OTOG: variants seen among roughly 807,000 people sequenced by gnomAD.
OTOG encodes otogelin.
A neutral mutation model predicts 313.8 loss-of-function variants in OTOG; 296 were observed. The observed-to-expected ratio is 0.94, with a 90% CI of 0.86 to 1.04. The LOEUF is 1.04. OTOG is among the 50% of genes least tolerant of loss of function. The probability of loss-of-function intolerance (pLI) is 0.00; values close to 1 mark genes in which losing one functional copy is unlikely to be tolerated. For synonymous variants in OTOG, 1,533 were observed against 1,554.9 expected (o/e 0.99, Z 0.33); for missense variants, 3,948 against 3,840.1 (o/e 1.03, Z -0.74).
At chr11:17,599,453 C>T (rs528295598) in intron 30 of OTOG, among the ~76,000 whole-genome samples, 1 of 152,352 alleles carries the variant, frequency 6.6e-6, no homozygotes, top group African/African-American at 2.4e-5. Context: ...GTGTGCCAGT[C>T]TTTGAGCCTC....
chr11:17,558,844 T>G (rs1440577218), intron 10 of OTOG, among the ~76,000 whole-genome samples, 200 bp downstream of exon 10: 1 of 152,244 alleles, frequency 6.6e-6, no homozygotes, highest in Non-Finnish European at 1.5e-5. Context: ...TAGGGTCACA[T>G]AACAAGTTAG....
Position 17,591,537 on chromosome 11 carries a change from T to A in OTOG, c.2955T>A (p.Phe985Leu), listed in dbSNP as rs1852935460. Reference protein sequence around the residue: ...TAYGDRHYRTFDGLPFDFVGA... With the variant: ...TAYGDRHYRTLDGLPFDFVGA... ...ATGGGGACCGGCATTACCGCACGTT[T>A]GATGGGCTCCCGTTTGACTTCGTGG... The change falls in exon 25 of 56, where the codon TTT (phenylalanine) becomes TTA (leucine). Residue 985 changes from phenylalanine to leucine, a missense_variant. Phe to Leu is a conservative substitution (Grantham distance 22). Transcript: ENST00000399397. 1 of 1,550,582 alleles carries A rather than the reference T, an allele frequency of 6.4e-7. No individual in the cohort carries two copies. The highest frequency in any genetic ancestry group is 1.4e-5 in the African/African-American group (1 of 73,070).
At position 17,552,055 on chromosome 11, in the gene OTOG, G is replaced by A. The variant is rs1851948529; in HGVS notation, c.272G>A (p.Arg91Gln). 6 of 1,550,374 alleles carry A rather than the reference G, an allele frequency of 3.9e-6. No homozygotes were observed. The highest frequency in any genetic ancestry group is 1.4e-5 in the African/African-American group (1 of 73,028). ...AMSSWERRLH[R>Q]AKCAPSYLFS... ...TCTTCCTGGGAAAGGCGGCTCCATC[G>A]GGCCAAGTGTGCACCATCCTGTAAG... The change falls in exon 4 of 56, where the codon CGG becomes CAG. Residue 91 changes from arginine (R) to glutamine (Q), a missense_variant. Physicochemically the swap from Arg to Gln is conservative, Grantham distance 43. Transcript: ENST00000399397.
chr11:17,562,818 TC>T (rs1852218131), intron 15 of OTOG, among the ~76,000 whole-genome samples: 1 of 152,190 alleles, frequency 6.6e-6, no homozygotes, highest in African/African-American at 2.4e-5. Flanking sequence ...CATCCTTTTG[TC>T]CTTCCTTCTG....
At chr11:17,572,885 C>T (rs931735927) in intron 18 of OTOG, among the ~76,000 whole-genome samples, 193 bp from the exon 19 acceptor site, 1 of 152,190 alleles carries the variant, frequency 6.6e-6, no homozygotes, top group East Asian at 1.9e-4. Context: ...TGTCAAGCCA[C>T]GTATTCACAC....
chr11:17,578,137 T>C (rs1297386138), intron 22 of OTOG: 4 of 700,990 alleles, frequency 5.7e-6, no homozygotes, highest in Non-Finnish European at 7.9e-6. Flanking sequence ...TAGTCTGGTA[T>C]GGAGGACGTG....
Position 17,634,968 on chromosome 11 carries a change from G to A in OTOG, c.7585+20G>A, listed in dbSNP as rs556157896. ...GCTGTGGTGAGAGGCCCGGGGTGGGGAGGGTGGGGGACGGACTGAGGGCAG... is the reference window on the plus strand; with the variant it reads ...GCTGTGGTGAGAGGCCCGGGGTGGGAAGGGTGGGGGACGGACTGAGGGCAG... On this transcript the variant is annotated intron_variant, in intron 45 of 55. Coordinates refer to ENST00000399397, the MANE Select transcript of OTOG (RefSeq NM_001292063.2). 1.4e-6 allele frequency: 2 copies of A among 1,389,234 alleles called. No individual in the cohort carries two copies. The highest frequency in any genetic ancestry group is 2.5e-5 in the East Asian group (1 of 39,984). The allele number at this position is 1,389,234 out of a possible 1,614,324, so 86.1% of individuals were successfully genotyped here.
intron 40 of OTOG, among the ~76,000 whole-genome samples, chr11:17,629,573 C>G (rs1854067278): frequency 6.6e-6 from 1 of 152,200 alleles, no homozygotes. Flanking sequence ...TGACAGCCTT[C>G]TAATGTCGGA....
At chr11:17,556,463 T>C (rs192223924) in intron 7 of OTOG, among the ~76,000 whole-genome samples, 21 of 152,320 alleles carry the variant, frequency 1.4e-4, no homozygotes, top group African/African-American at 4.1e-4. Context: ...TCACTTCTTG[T>C]TGCTGTCATG....
At chr11:17,549,463 A>C (rs1305024353) in intron 3 of OTOG, among the ~76,000 whole-genome samples, 13 of 152,082 alleles carry the variant, frequency 8.5e-5, no homozygotes, top group Admixed American at 7.9e-4. Flanking sequence ...CTTTGCCCAC[A>C]CTTCCAGGCC....
intron 39 of OTOG, among the ~76,000 whole-genome samples, chr11:17,613,925 T>C (rs1853661285): frequency 6.6e-6 from 1 of 150,832 alleles, no homozygotes; most frequent in Admixed American, 6.5e-5. Flanking sequence ...CCAGGAGGAA[T>C]GGGATATTGT....
intron 42 of OTOG, 54 bp downstream of exon 42, chr11:17,632,280 G>T: frequency 6.7e-7 from 1 of 1,502,104 alleles, no homozygotes. Context: ...CCCATCCCCT[G>T]TTAAAGTGGG....
chr11:17,588,619 C>A (rs968393777), intron 24 of OTOG, among the ~76,000 whole-genome samples: 1 of 152,132 alleles, frequency 6.6e-6, no homozygotes, highest in African/African-American at 2.4e-5. Flanking sequence ...CTGGGTCATG[C>A]CCCTTTACTT....
intron 53 of OTOG, among the ~76,000 whole-genome samples, chr11:17,642,792 T>A (rs1019885631): frequency 2.0e-5 from 3 of 152,164 alleles, no homozygotes; most frequent in Admixed American, 2.0e-4. Context: ...TAGTGGACAT[T>A]TGAAGATTTC....
chr11:17,626,213 T>A (rs1156492576), intron 39 of OTOG, among the ~76,000 whole-genome samples: 1 of 152,228 alleles, frequency 6.6e-6, no homozygotes, highest in Non-Finnish European at 1.5e-5. Flanking sequence ...TCTCACTCTG[T>A]CGCCCAGGCT....
chr11:17,618,530 A>G (rs1226675853), intron 39 of OTOG, among the ~76,000 whole-genome samples: 2 of 152,152 alleles, frequency 1.3e-5, no homozygotes, highest in African/African-American at 4.8e-5. Flanking sequence ...GTATTTTATT[A>G]TTGGGTGGAG....
At chr11:17,561,852 G>A in intron 15 of OTOG, 45 bp downstream of exon 15, 4 of 1,546,856 alleles carry the variant, frequency 2.6e-6, no homozygotes, top group Non-Finnish European at 3.5e-6. Flanking sequence ...AGCTACTCCT[G>A]CCTACTGCCC....
chr11:17,553,178 C>T lies in OTOG; in HGVS notation c.352C>T (p.Arg118Cys), dbSNP rs527900760. The change falls in exon 5 of 56, where the codon CGC becomes TGC. Residue 118 changes from arginine (R) to cysteine (C), a missense_variant. Coordinates refer to ENST00000399397, the MANE Select transcript of OTOG (RefSeq NM_001292063.2). ...GCACCCAGCCTTCTGTGACTGCAGA[C>T]GCTTCAATGCCACTGGACCGCGCTG... The part of the protein sequence containing the change: ...CVHPAFCDCR[R>C]FNATGPRCQM... 4.1e-5 allele frequency: 63 copies of T among 1,550,534 alleles called. No homozygotes were observed. The highest frequency in any genetic ancestry group is 2.2e-4 in the African/African-American group (16 of 73,162).
chr11:17,613,244 TTTCTTTC>T (rs1853630182), intron 38 of OTOG, among the ~76,000 whole-genome samples: 1 of 141,554 alleles, frequency 7.1e-6, no homozygotes, highest in Non-Finnish European at 1.5e-5. Flanking sequence ...TCTTTCTTTC[TTTCTTTC>T]TTTCTTTCTT....
Sources: gnomAD v4.1 joint callset for allele counts (sites outside exome capture counted in the v4.1 genomes callset) on GRCh38, gnomAD v4.1.1 for gene constraint, MANE v1.5 for transcripts, NCBI Gene and HGNC (gene_info 2026-07-23, HGNC 2026-07-21) for gene names.